Variants in GALNT2 observed in about 807,000 individuals in gnomAD.
GALNT2 encodes the protein polypeptide N-acetylgalactosaminyltransferase 2.
Under a neutral mutation model 81.4 loss-of-function variants are expected in GALNT2, and 31 were observed. That is an observed-to-expected ratio of 0.38 (90% CI 0.29 to 0.51). GALNT2 has a LOEUF of 0.51. Among genes scored for constraint, GALNT2 ranks in the 20% least tolerant of loss-of-function variants. GALNT2 has a pLI of 0.87. For synonymous variants in GALNT2, 303 were observed against 287.4 expected (o/e 1.05, Z -0.55); for missense variants, 629 against 765.7 (o/e 0.82, Z 2.11).
chr1:230,107,926 C>T (rs1290080863), intron 1 of GALNT2, among the ~76,000 whole-genome samples: 2 of 152,174 alleles, frequency 1.3e-5, no homozygotes, highest in Admixed American at 6.5e-5. Context: ...GCCAGCTTTG[C>T]AGCTGTGGGC....
At chr1:230,217,491 G>C (rs1664425982) in intron 3 of GALNT2, among the ~76,000 whole-genome samples, 1 of 152,228 alleles carries the variant, frequency 6.6e-6, no homozygotes, top group African/African-American at 2.4e-5. Context: ...AGGAGTCAAG[G>C]CACCAAGCCC....
chr1:230,180,163 C>T (rs527480098), intron 2 of GALNT2, among the ~76,000 whole-genome samples: 21 of 152,288 alleles, frequency 1.4e-4, no homozygotes, highest in African/African-American at 5.1e-4. Flanking sequence ...AGGTGATCCG[C>T]CCGCCTCGGC....
intron 8 of GALNT2, among the ~76,000 whole-genome samples, chr1:230,246,390 C>G (rs1015862647): frequency 6.6e-6 from 1 of 152,222 alleles, no homozygotes; most frequent in African/African-American, 2.4e-5. Context: ...CCTTCTGTCA[C>G]TTTTGCGAGC....
At chr1:230,178,495 C>T (rs1663057701) in intron 2 of GALNT2, among the ~76,000 whole-genome samples, 184 bp downstream of exon 2, 1 of 152,058 alleles carries the variant, frequency 6.6e-6, no homozygotes, top group South Asian at 2.1e-4. Context: ...CAAGTTAAAA[C>T]TTTTATAGGA....
chr1:230,079,881 C>T (rs533082671), intron 1 of GALNT2, among the ~76,000 whole-genome samples: 2 of 152,226 alleles, frequency 1.3e-5, no homozygotes, highest in Admixed American at 6.5e-5. Flanking sequence ...GGCTCAGCCT[C>T]CATCTGCACT....
At chr1:230,187,672 A>G (rs958093583) in intron 2 of GALNT2, among the ~76,000 whole-genome samples, 2 of 152,186 alleles carry the variant, frequency 1.3e-5, no homozygotes, top group East Asian at 1.9e-4. Context: ...GGAAGAATCA[A>G]GTTGTGCAAA....
intron 1 of GALNT2, among the ~76,000 whole-genome samples, chr1:230,127,299 G>A (rs1320486416): frequency 3.9e-5 from 6 of 152,166 alleles, no homozygotes; most frequent in African/African-American, 1.4e-4. Flanking sequence ...AGCTGGTGCT[G>A]TGTGATAAAC....
chr1:230,279,826 G>A lies in GALNT2; in HGVS notation c.*368G>A, dbSNP rs996569838. ...CGTGCGAGCTGAGGACAGGGCGGGA[G>A]GAGGGGGCACACATGCCCCAGGGGA... is the stretch of plus-strand genomic sequence containing the variant. On this transcript the variant is annotated 3_prime_UTR_variant, in exon 16 of 16. Transcript: ENST00000366672. This position sits in a 1 kb window ranked among gnomAD's most constrained non-coding sequence, Gnocchi z 4.6. 11 of 479,346 alleles carry A rather than the reference G, an allele frequency of 2.3e-5. No homozygotes were observed. The highest frequency in any genetic ancestry group is 2.2e-4 in the African/African-American group (11 of 51,090). The allele number at this position is 479,346 out of a possible 1,614,324, so 29.7% of individuals were successfully genotyped here.
chr1:230,181,908 A>G (rs1663172229), intron 2 of GALNT2, among the ~76,000 whole-genome samples: 1 of 152,162 alleles, frequency 6.6e-6, no homozygotes, highest in Non-Finnish European at 1.5e-5. Context: ...TATTGATTCA[A>G]TTTCTTTAAT....
At chr1:230,272,134 T>C (rs1415962531) in intron 14 of GALNT2, among the ~76,000 whole-genome samples, 1 of 152,202 alleles carries the variant, frequency 6.6e-6, no homozygotes, top group Admixed American at 6.5e-5. Flanking sequence ...GCCTTGTGAT[T>C]GTGCCAGAGA....
chr1:230,097,753 T>G (rs1167118718), intron 1 of GALNT2, among the ~76,000 whole-genome samples: 1 of 152,234 alleles, frequency 6.6e-6, no homozygotes, highest in Non-Finnish European at 1.5e-5. Context: ...ATAATTTCAT[T>G]TATTCTTGAT....
chr1:230,265,223 T>C lies in GALNT2; in HGVS notation c.1314-18T>C, dbSNP rs780325790. 5 of 1,614,116 alleles carry C rather than the reference T, an allele frequency of 3.1e-6. No individual in the cohort carries two copies. The highest frequency in any genetic ancestry group is 4.2e-6 in the Non-Finnish European group (5 of 1,179,980). On this transcript the variant is annotated intron_variant, in intron 13 of 15. Transcript: ENST00000366672. ...GGTCATGTGCAGTGAAGCAGGTGAT[T>C]CTCACGTTGTTTTTCAGGGTTCCAG... is the stretch of plus-strand genomic sequence containing the variant.
chr1:230,232,174 T>C (rs1572113870), intron 3 of GALNT2, among the ~76,000 whole-genome samples: 1 of 152,310 alleles, frequency 6.6e-6, no homozygotes, highest in African/African-American at 2.4e-5. Context: ...TGAGGACTTA[T>C]TATCTAAATT....
intron 1 of GALNT2, among the ~76,000 whole-genome samples, chr1:230,094,250 A>G (rs1345606742): frequency 7.2e-6 from 1 of 139,516 alleles, no homozygotes; most frequent in Non-Finnish European, 1.5e-5. Flanking sequence ...GCTTCAAGTG[A>G]TCCTCCCACC....
In GALNT2 at chr1:230,107,610, T is replaced by TTGTGTGTG. The variant is rs3033608; in HGVS notation, c.126+40231_126+40238dup. Among the ~76,000 whole-genome samples the TTGTGTGTG allele has an allele frequency of 8.7e-3, 1,232 of 141,150 alleles. 13 individuals carry two copies. Among genetic ancestry groups the TTGTGTGTG allele is most frequent in the Admixed American group, 0.014 (204 of 14,070 alleles). The allele number at this position is 141,150 out of a possible 152,430, so 92.6% of individuals were successfully genotyped here. ...AAATTCTCATTTCTTCTCATGGACT[T>TTGTGTGTG]TGTGTGTGTGTGTGTGTGTGTGTGT... On this transcript the variant is annotated intron_variant, in intron 1 of 15. Coordinates refer to ENST00000366672, the MANE Select transcript of GALNT2 (RefSeq NM_004481.5).
chr1:230,173,842 G>A (rs868262339), intron 1 of GALNT2, among the ~76,000 whole-genome samples: 7 of 152,198 alleles, frequency 4.6e-5, no homozygotes, highest in Middle Eastern at 3.4e-3. Context: ...GGATTGTAAC[G>A]AAAAACTTCC....
intron 3 of GALNT2, among the ~76,000 whole-genome samples, chr1:230,228,487 G>A (rs1664779706): frequency 2.6e-5 from 4 of 152,054 alleles, no homozygotes; most frequent in Admixed American, 2.0e-4. Context: ...TGGCGTGACA[G>A]CAGTGGCGTT....
At chr1:230,149,335 G>A (rs776876840) in intron 1 of GALNT2, among the ~76,000 whole-genome samples, 1 of 152,162 alleles carries the variant, frequency 6.6e-6, no homozygotes, top group South Asian at 2.1e-4. Flanking sequence ...TTGAGCACTG[G>A]GTTCAGGAAC....
chr1:230,083,520 G>A (rs1659811363), intron 1 of GALNT2, among the ~76,000 whole-genome samples: 1 of 152,172 alleles, frequency 6.6e-6, no homozygotes. Flanking sequence ...GCCCAATGAT[G>A]GAACAAGAAG....
Sources: allele counts gnomAD v4.1 joint callset (sites outside exome capture counted in the v4.1 genomes callset), GRCh38; gene constraint gnomAD v4.1.1; non-coding constraint Gnocchi (gnomAD v3.1); transcripts MANE v1.5; gene names NCBI Gene and HGNC (gene_info 2026-07-23, HGNC 2026-07-21).